The following TOP3B variants were observed in gnomAD, a reference collection of about 807,000 sequenced individuals.
The protein encoded by TOP3B is DNA topoisomerase 3-beta-1.
A neutral mutation model predicts 93.9 loss-of-function variants in TOP3B; 45 were observed. The observed-to-expected ratio is 0.48, with a 90% CI of 0.38 to 0.61. TOP3B has a LOEUF of 0.61. Among genes scored for constraint, TOP3B ranks in the 20% least tolerant of loss-of-function variants. The pLI, the probability that TOP3B is intolerant of heterozygous loss-of-function variation, is 0.00. For synonymous variants in TOP3B, 357 were observed against 472.6 expected (o/e 0.76, Z 3.17); for missense variants, 750 against 1,156.1 (o/e 0.65, Z 5.09).
At chr22:21,974,558 C>A in intron 2 of TOP3B, 70 bp from the exon 3 acceptor site, 1 of 1,483,908 alleles carries the variant, frequency 6.7e-7, no homozygotes, top group Non-Finnish European at 9.1e-7. Context: ...GACCCCAGCC[C>A]GGATGCCACC....
At chr22:21,969,948 TTTG>T in intron 6 of TOP3B, 8 of 279,012 alleles carry the variant, frequency 2.9e-5, no homozygotes, top group South Asian at 2.4e-4. Context: ...TTTTTTTTTT[TTTG>T]TAGAGATGGG....
In TOP3B at chr22:21,974,131, C is replaced by A. The variant is rs904971922; in HGVS notation, c.202+226G>T. 6.4e-5 allele frequency: 28 copies of A among 438,358 alleles called. No individual in the cohort carries two copies. The Middle Eastern group carries it at 3.7e-3, about 58-fold the overall frequency. The allele number at this position is 438,358 out of a possible 1,614,324, so 27.2% of individuals were successfully genotyped here. A position where few individuals can be genotyped will look rare whatever the true frequency, so the allele number is the denominator to read the frequency against. ...ATAGGAAGGCACACAGGGAATGCAGCGACTAAGGGGTGCCGCTATGATGGG... is the reference window on the plus strand; with the variant it reads ...ATAGGAAGGCACACAGGGAATGCAGAGACTAAGGGGTGCCGCTATGATGGG... On this transcript the variant is annotated intron_variant, in intron 3 of 17. Coordinates refer to ENST00000357179, the MANE Select transcript of TOP3B (RefSeq NM_001282112.2).
chr22:21,971,976 G>T lies in TOP3B; in HGVS notation c.310-25C>A. On this transcript the variant is annotated intron_variant, in intron 4 of 17. Coordinates refer to ENST00000357179, the MANE Select transcript of TOP3B (RefSeq NM_001282112.2). This position sits in a 1 kb window ranked among gnomAD's most constrained non-coding sequence, Gnocchi z 4.6. ...CCTGCCACACAGCACAGGTTCACAC[G>T]TACCTGCTGCAGACCCGGTCTGTGC... is the stretch of plus-strand genomic sequence containing the variant. 1.2e-6 allele frequency: 2 copies of T among 1,605,890 alleles called. No individual in the cohort carries two copies. Among genetic ancestry groups the T allele is most frequent in the East Asian group, 2.2e-5 (1 of 44,724 alleles).
chr22:21,965,570 T>C (rs975899046), intron 8 of TOP3B, 195 bp from the exon 9 acceptor site: 4 of 390,162 alleles, frequency 1.0e-5, no homozygotes, highest in Non-Finnish European at 1.4e-5. Flanking sequence ...AAATTCTTTT[T>C]TAAAAAAAAA....
Position 21,962,466 on chromosome 22 carries a change from C to T in TOP3B, c.1488G>A (p.Glu496=). 6.2e-7 allele frequency: 1 copy of T among 1,613,774 alleles called. No homozygotes were observed. The highest frequency in any genetic ancestry group is 8.5e-7 in the Non-Finnish European group (1 of 1,180,024). The change falls in exon 13 of 18, where the codon GAG becomes GAA. Residue 496 remains glutamate (E), a synonymous_variant. Transcript: ENST00000357179. ...KQTNPPDYLT[E]AELITLMEKH... ...TCTCCATGAGCGTGATGAGCTCGGC[C>T]TCCGTCAGGTAGTCGGGTGGGTTCG...
chr22:21,975,478 G>A (rs2071826817), intron 2 of TOP3B, 162 bp downstream of exon 2: 6 of 721,374 alleles, frequency 8.3e-6, no homozygotes, highest in Non-Finnish European at 1.2e-5. Context: ...TGCCAGGAGT[G>A]GAAGCAAATG....
Position 21,971,898 on chromosome 22 carries a change from C to A in TOP3B, c.363G>T (p.Glu121Asp). Reference sequence around the variant, plus strand: ...TCACCTCAAAGCAGATGTTCTCCCCCTCCTTGTCGCAGTCCAGCCACAGCA... The same window carrying A: ...TCACCTCAAAGCAGATGTTCTCCCCATCCTTGTCGCAGTCCAGCCACAGCA... ...YIVLWLDCDK[E>D]GENICFEVLD... The change falls in exon 5 of 18, where the codon GAG becomes GAT. Residue 121 changes from glutamate (E) to aspartate (D), a missense_variant. Glu to Asp is a conservative substitution (Grantham distance 45, BLOSUM62 2). This residue lies in a region of TOP3B where 737 missense variants were observed against 933.7 expected (regional missense o/e 0.79). Coordinates refer to ENST00000357179, the MANE Select transcript of TOP3B (RefSeq NM_001282112.2). This position sits in a 1 kb window ranked among gnomAD's most constrained non-coding sequence, Gnocchi z 4.6. The A allele has an allele frequency of 1.2e-6, 2 of 1,614,090 alleles. No homozygotes were observed. Among genetic ancestry groups the A allele is most frequent in the East Asian group, 2.2e-5 (1 of 44,872 alleles).
Position 21,971,467 on chromosome 22 carries a change from T to C in TOP3B, c.384+410A>G, listed in dbSNP as rs1311472787. Reference sequence around the variant, plus strand: ...GAGGCATCCTGGATGAGGCAGGAGATGAGCAGAGCGAGGCCTGCAAAAGGA... The same window carrying C: ...GAGGCATCCTGGATGAGGCAGGAGACGAGCAGAGCGAGGCCTGCAAAAGGA... On this transcript the variant is annotated intron_variant, in intron 5 of 17. Coordinates refer to ENST00000357179, the MANE Select transcript of TOP3B (RefSeq NM_001282112.2). This position sits in a 1 kb window ranked among gnomAD's most constrained non-coding sequence, Gnocchi z 4.6. The C allele has an allele frequency of 3.0e-6, 1 of 328,214 alleles. No individual in the cohort carries two copies. Among genetic ancestry groups the C allele is most frequent in the African/African-American group, 2.2e-5 (1 of 45,956 alleles). The allele number at this position is 328,214 out of a possible 1,614,324, so 20.3% of individuals were successfully genotyped here. A position where few individuals can be genotyped will look rare whatever the true frequency, so the allele number is the denominator to read the frequency against.
chr22:21,964,647 T>G, intron 9 of TOP3B: 1 of 374,808 alleles, frequency 2.7e-6, no homozygotes, highest in Non-Finnish European at 5.0e-6. Context: ...CCACTCCCCA[T>G]GCATTGTCCA....
At chr22:21,967,570 C>T (rs780227636) in intron 8 of TOP3B, 33 bp downstream of exon 8, 1 of 1,587,586 alleles carries the variant, frequency 6.3e-7, no homozygotes, top group Admixed American at 1.7e-5. Flanking sequence ...TCACCCAAGG[C>T]AACTGTGATA....
chr22:21,964,555 A>C, intron 9 of TOP3B: 2 of 565,074 alleles, frequency 3.5e-6, no homozygotes, highest in Non-Finnish European at 6.3e-6. Context: ...GATGGGCCTG[A>C]TGGGAAACGC....
intron 13 of TOP3B, chr22:21,960,714 A>G (rs536687329): frequency 1.1e-4 from 54 of 482,366 alleles, no homozygotes; most frequent in African/African-American, 9.3e-4. Flanking sequence ...ACAGGCTCGG[A>G]GGTTAAGGAA....
chr22:21,959,531 C>A, intron 15 of TOP3B, 56 bp downstream of exon 15: 1 of 1,551,424 alleles, frequency 6.4e-7, no homozygotes. Flanking sequence ...CAGGTACTGG[C>A]CTTGCTGACA....
intron 17 of TOP3B, 167 bp downstream of exon 17, chr22:21,958,325 C>G: frequency 6.8e-7 from 1 of 1,466,672 alleles, no homozygotes; most frequent in South Asian, 1.4e-5. Context: ...CTGGCTGAGG[C>G]CTAAGCAGTG....
In TOP3B at chr22:21,959,306, G is replaced by A. The variant is rs1249982306; in HGVS notation, c.1805-74C>T. The A allele has an allele frequency of 4.4e-6, 7 of 1,591,448 alleles. No individual in the cohort carries two copies. The Admixed American group carries it at 6.7e-5, about 15-fold the overall frequency. Reference sequence around the variant, plus strand: ...AAAGGCTCCGCAACACGTGGTCAAGGGTCTGAGTGTGAAAGGGTCCCTATA... The same window carrying A: ...AAAGGCTCCGCAACACGTGGTCAAGAGTCTGAGTGTGAAAGGGTCCCTATA... On this transcript the variant is annotated intron_variant, in intron 15 of 17. Transcript: ENST00000357179.
intron 8 of TOP3B, chr22:21,967,285 A>C (rs1159865774): frequency 9.9e-6 from 3 of 304,508 alleles, no homozygotes; most frequent in African/African-American, 6.4e-5. Context: ...CTCTGTGTGA[A>C]ATGGAGTCCT....
intron 2 of TOP3B, 130 bp from the exon 3 acceptor site, chr22:21,974,618 C>T: frequency 9.5e-7 from 1 of 1,057,452 alleles, no homozygotes; most frequent in Non-Finnish European, 1.3e-6. Context: ...TGACGACATT[C>T]CGCAGACTGG....
Position 21,958,391 on chromosome 22 carries a change from G to C in TOP3B, c.2107+101C>G, listed in dbSNP as rs916031079. ...GTGCCAATGAGTGCAGGAAAGGCCA[G>C]GGTGAGGGGTCCCCTCAGAGTCCAG... On this transcript the variant is annotated intron_variant, in intron 17 of 17. Transcript: ENST00000357179. The C allele has an allele frequency of 1.9e-6, 3 of 1,584,736 alleles. No individual in the cohort carries two copies. The African/African-American group carries it at 4.0e-5, about 21-fold the overall frequency.
Position 21,971,215 on chromosome 22 carries a change from G to A in TOP3B, c.384+662C>T, listed in dbSNP as rs2071624795. 1 of 374,940 alleles carries A rather than the reference G, an allele frequency of 2.7e-6. No individual in the cohort carries two copies. Among genetic ancestry groups the A allele is most frequent in the Admixed American group, 4.2e-5 (1 of 23,814 alleles). 23.2% of individuals were successfully genotyped at this position (374,940 alleles called of 1,614,324 possible). ...AGGGTGCTGTACTGCAACGCCAGGT[G>A]CCTCAGCTCTGTCTCACTGACCAGC... On this transcript the variant is annotated intron_variant, in intron 5 of 17. Coordinates refer to ENST00000357179, the MANE Select transcript of TOP3B (RefSeq NM_001282112.2). The surrounding 1 kb of genome is among the most constrained non-coding windows in gnomAD (Gnocchi z 4.6).
Sources: gnomAD v4.1 joint callset for allele counts on GRCh38, gnomAD v4.1.1 for gene constraint, gnomAD v4.1.1 regional missense constraint, Gnocchi (gnomAD v3.1) non-coding constraint, MANE v1.5 for transcripts, NCBI Gene and HGNC (gene_info 2026-07-23, HGNC 2026-07-21) for gene names.